Variants in RPGRIP1L observed in about 807,000 individuals in gnomAD.
RPGRIP1L encodes RPGRIP1 like.
RPGRIP1L carries 131 observed loss-of-function variants against 160.4 expected under a neutral mutation model. The observed-to-expected ratio is 0.82, with a 90% confidence interval of 0.71 to 0.94. RPGRIP1L has a LOEUF of 0.94. Ranked by LOEUF, RPGRIP1L falls within the 40% of genes least tolerant of loss-of-function variation. The pLI is 0.00. For missense variants in RPGRIP1L, 1,522 were observed against 1,535.8 expected, an observed-to-expected ratio of 0.99 and a Z score of 0.15; for synonymous variants, 510 against 515.8, an observed-to-expected ratio of 0.99 and a Z score of 0.15.
intron 3 of RPGRIP1L, 70 bp from the exon 4 acceptor site, chr16:53,692,434 C>G: frequency 7.0e-7 from 1 of 1,428,586 alleles, no homozygotes. Flanking sequence ...TTGAAAGGAA[C>G]ATAATCACTG....
At chr16:53,683,868 T>A (rs1969788871) in intron 6 of RPGRIP1L, among the ~76,000 whole-genome samples, 1 of 152,050 alleles carries the variant, frequency 6.6e-6, no homozygotes, top group South Asian at 2.1e-4. Context: ...TTATAAAATG[T>A]CAGAGATGAC....
rs746865718 is a variant in RPGRIP1L, at chr16:53,673,033, A to C, written c.883-17T>G. On this transcript the variant is annotated splice_polypyrimidine_tract_variant and intron_variant, in intron 7 of 26. Transcript: ENST00000647211. ...TCTTTGCTTCTAAAAGATAAAAAGA[A>C]CATCTTTCAAACATTATTTTTGACT... 1 of 1,606,648 alleles carries C rather than the reference A, an allele frequency of 6.2e-7. No individual in the cohort carries two copies. Among genetic ancestry groups the C allele is most frequent in the Non-Finnish European group, 8.5e-7 (1 of 1,175,402 alleles).
At chr16:53,668,513 G>T (rs1004302171) in intron 9 of RPGRIP1L, among the ~76,000 whole-genome samples, 4 of 152,158 alleles carry the variant, frequency 2.6e-5, no homozygotes, top group Non-Finnish European at 5.9e-5. Flanking sequence ...ATCAGAGTTG[G>T]ATGGTATGGG....
At chr16:53,608,912 T>G (rs9302649) in intron 25 of RPGRIP1L, among the ~76,000 whole-genome samples, 58,319 of 152,052 alleles carry the variant, frequency 0.38, 12,995 homozygotes, top group African/African-American at 0.6. Flanking sequence ...CTCCCATGGT[T>G]GTTCGAGGAG....
intron 1 of RPGRIP1L, among the ~76,000 whole-genome samples, chr16:53,702,942 G>A (rs1283028073): frequency 6.6e-6 from 1 of 152,180 alleles, no homozygotes; most frequent in Non-Finnish European, 1.5e-5. Flanking sequence ...CAGGAACAGT[G>A]CCTGGTACAG....
chr16:53,658,602 A>G, intron 11 of RPGRIP1L, 138 bp from the exon 12 acceptor site: 1 of 870,086 alleles, frequency 1.1e-6, no homozygotes, highest in Non-Finnish European at 1.9e-6. Context: ...AAGACATTCC[A>G]GTGCTTCAAA....
intron 10 of RPGRIP1L, chr16:53,659,200 T>C: frequency 4.1e-6 from 4 of 982,942 alleles, no homozygotes; most frequent in Non-Finnish European, 4.9e-6. Context: ...TCAAAATCTG[T>C]GATTTTTTAC....
At chr16:53,659,801 G>A (rs1470293215) in intron 10 of RPGRIP1L, 1 of 152,140 alleles carries the variant, frequency 6.6e-6, no homozygotes, top group Non-Finnish European at 1.5e-5. Flanking sequence ...GATCTGTTGA[G>A]CCTGGGGAGT....
intron 6 of RPGRIP1L, 36 bp downstream of exon 6, chr16:53,686,397 T>C: frequency 1.2e-6 from 2 of 1,601,546 alleles, no homozygotes; most frequent in Non-Finnish European, 1.7e-6. Context: ...AAACTAATTT[T>C]GACCTTATCA....
In RPGRIP1L at chr16:53,600,702, T is replaced by C. The variant is rs1963342844; in HGVS notation, c.*1374A>G. On this transcript the variant is annotated 3_prime_UTR_variant, in exon 27 of 27. Coordinates refer to ENST00000647211, the MANE Select transcript of RPGRIP1L (RefSeq NM_015272.5). ...GCTTTTTTTTTCTATTGAACTGTAA[T>C]GAATTGTCTCATAATCTATTCCATC... 6.6e-6 allele frequency: 1 copy of C among 152,616 alleles called. No homozygotes were observed. Among genetic ancestry groups the C allele is most frequent in the African/African-American group, 2.4e-5 (1 of 41,446 alleles). The allele number at this position is 152,616 out of a possible 1,614,324, so 9.5% of individuals were successfully genotyped here.
At chr16:53,617,906 T>C (rs1186909499) in intron 24 of RPGRIP1L, among the ~76,000 whole-genome samples, 1 of 152,186 alleles carries the variant, frequency 6.6e-6, no homozygotes, top group Non-Finnish European at 1.5e-5. Flanking sequence ...ATAGTAGTGA[T>C]GAACTAGCAT....
intron 9 of RPGRIP1L, among the ~76,000 whole-genome samples, chr16:53,666,659 C>A (rs1318117278): frequency 6.8e-6 from 1 of 146,054 alleles, no homozygotes; most frequent in Non-Finnish European, 1.5e-5. Context: ...ACATGTACCA[C>A]CCGGAAAAAA....
intron 17 of RPGRIP1L, among the ~76,000 whole-genome samples, chr16:53,643,969 A>T (rs1966397575): frequency 6.6e-6 from 1 of 152,206 alleles, no homozygotes; most frequent in Non-Finnish European, 1.5e-5. Context: ...GAACTAAAAG[A>T]AAGTGTGTTT....
Position 53,601,165 on chromosome 16 carries a change from G to A in RPGRIP1L, c.*911C>T, listed in dbSNP as rs1198570567. The stretch of plus-strand genomic sequence containing the variant: ...TTCAGAGCTGCTTTTCGAGGATCTG[G>A]TTACCCAGATACACCCTGGCACTGT... On this transcript the variant is annotated 3_prime_UTR_variant, in exon 27 of 27. Transcript: ENST00000647211. 1 of 152,536 alleles carries A rather than the reference G, an allele frequency of 6.6e-6. No individual in the cohort carries two copies. The highest frequency in any genetic ancestry group is 1.9e-4 in the East Asian group (1 of 5,196). The allele number at this position is 152,536 out of a possible 1,614,324, so 9.4% of individuals were successfully genotyped here. A position where few individuals can be genotyped will look rare whatever the true frequency, so the allele number is the denominator to read the frequency against.
intron 12 of RPGRIP1L, among the ~76,000 whole-genome samples, chr16:53,658,033 T>C (rs962828112): frequency 3.9e-5 from 6 of 152,200 alleles, no homozygotes; most frequent in African/African-American, 1.4e-4. Context: ...TTGAGATATT[T>C]ATAATTCAAT....
At chr16:53,615,547 C>T (rs994992279) in intron 24 of RPGRIP1L, among the ~76,000 whole-genome samples, 10 of 141,980 alleles carry the variant, frequency 7.0e-5, no homozygotes, top group South Asian at 2.2e-4. Flanking sequence ...GATCTTGGCT[C>T]GCTGCAACCT....
intron 25 of RPGRIP1L, among the ~76,000 whole-genome samples, chr16:53,610,498 T>A (rs1217174163): frequency 2.6e-5 from 4 of 152,200 alleles, no homozygotes; most frequent in Admixed American, 1.3e-4. Flanking sequence ...ACATATATTA[T>A]CTCATTTAAT....
At chr16:53,643,238 G>A (rs950461550) in intron 17 of RPGRIP1L, among the ~76,000 whole-genome samples, 68 of 151,460 alleles carry the variant, frequency 4.5e-4, no homozygotes, top group South Asian at 8.3e-4. Flanking sequence ...AACGTGGGAA[G>A]AGGAGGTTGC....
Position 53,598,649 on chromosome 16 carries a change from A to G in RPGRIP1L, c.*3427T>C, listed in dbSNP as rs900481111. ...TGACCTAGAGGTTGTTTTTGTTCTG[A>G]ACAAAGGGGATGTAAATCTGTTTGT... is the stretch of plus-strand genomic sequence containing the variant. On this transcript the variant is annotated 3_prime_UTR_variant, in exon 27 of 27. Transcript: ENST00000647211. 2.0e-5 allele frequency: 3 copies of G among 152,330 alleles called. No individual in the cohort carries two copies. The highest frequency in any genetic ancestry group is 7.2e-5 in the African/African-American group (3 of 41,582). The allele number at this position is 152,330 out of a possible 1,614,324, so 9.4% of individuals were successfully genotyped here.
Sources: allele counts gnomAD v4.1 joint callset (sites outside exome capture counted in the v4.1 genomes callset), GRCh38; gene constraint gnomAD v4.1.1; transcripts MANE v1.5; gene names NCBI Gene and HGNC (gene_info 2026-07-23, HGNC 2026-07-21).